ZNF730: variants seen among roughly 807,000 people sequenced by gnomAD.
ZNF730 encodes zinc finger protein 730, also known as putative zinc finger protein 730.
ZNF730 carries 12 observed loss-of-function variants against 12.6 expected under a neutral mutation model. That is an observed-to-expected ratio of 0.95 (90% CI 0.61 to 1.54). ZNF730 has a LOEUF of 1.54. ZNF730 is among the 40% of genes most tolerant of loss of function. The pLI is 0.00. For synonymous variants in ZNF730, 194 were observed against 195.8 expected, an observed-to-expected ratio of 0.99 and a Z score of 0.08; for missense variants, 643 against 583.5, an observed-to-expected ratio of 1.10 and a Z score of -1.05.
At chr19:23,118,800 T>G (rs989285574) in intron 1 of ZNF730, among the ~76,000 whole-genome samples, 1 of 152,206 alleles carries the variant, frequency 6.6e-6, no homozygotes, top group South Asian at 2.1e-4. Context: ...AGATTTTACC[T>G]ATTCTTTTAT....
At chr19:23,111,350 G>T (rs576244041) in intron 1 of ZNF730, among the ~76,000 whole-genome samples, 1 of 152,102 alleles carries the variant, frequency 6.6e-6, no homozygotes, top group Non-Finnish European at 1.5e-5. Flanking sequence ...CATGCAAGAG[G>T]GTTGATGTTA....
chr19:23,135,531 GAC>G (rs1376985530), intron 2 of ZNF730, among the ~76,000 whole-genome samples: 1 of 151,106 alleles, frequency 6.6e-6, no homozygotes, highest in Non-Finnish European at 1.5e-5. Context: ...TTTTTTTGGA[GAC>G]AGAGTCTCAT....
chr19:23,077,774 G>A (rs761994035), intron 1 of ZNF730, among the ~76,000 whole-genome samples: 2 of 152,102 alleles, frequency 1.3e-5, no homozygotes, highest in Non-Finnish European at 2.9e-5. Context: ...GACTGTTACT[G>A]TGTCTGTGTA....
At chr19:23,129,900 A>C (rs1013344637) in intron 1 of ZNF730, among the ~76,000 whole-genome samples, 2 of 150,554 alleles carry the variant, frequency 1.3e-5, no homozygotes, top group Non-Finnish European at 3.0e-5. Flanking sequence ...AGGCTGCGGC[A>C]GGAGAATGGC....
chr19:23,126,336 AT>A (rs1406280593), intron 1 of ZNF730, among the ~76,000 whole-genome samples: 1 of 152,186 alleles, frequency 6.6e-6, no homozygotes, highest in East Asian at 1.9e-4. Context: ...TCTGAGTATG[AT>A]GAGTGCACAA....
chr19:23,082,178 C>T (rs1969976497), intron 1 of ZNF730, among the ~76,000 whole-genome samples: 1 of 152,164 alleles, frequency 6.6e-6, no homozygotes, highest in Admixed American at 6.6e-5. Flanking sequence ...TTCCCATCCT[C>T]CCACTTTAGT....
intron 1 of ZNF730, chr19:23,123,069 G>A (rs1208706053): frequency 1.3e-5 from 2 of 152,040 alleles, no homozygotes; most frequent in Non-Finnish European, 2.9e-5. Context: ...TGCTTTTACA[G>A]GACAAATAAA....
At chr19:23,127,260 T>G (rs1970682811) in intron 1 of ZNF730, 1 of 660,296 alleles carries the variant, frequency 1.5e-6, no homozygotes, top group African/African-American at 1.8e-5. Context: ...TCTCTTTTTA[T>G]TTTTCCTTGC....
chr19:23,113,693 G>A (rs1295909126), upstream of ZNF730, among the ~76,000 whole-genome samples: 2 of 152,006 alleles, frequency 1.3e-5, no homozygotes, highest in African/African-American at 4.8e-5. Flanking sequence ...TAACACAAGG[G>A]GTTTCCCTCT....
intron 2 of ZNF730, among the ~76,000 whole-genome samples, chr19:23,134,559 G>A (rs1465486423): frequency 1.5e-5 from 2 of 135,132 alleles, no homozygotes; most frequent in South Asian, 2.5e-4. Flanking sequence ...GGGAAGTGAG[G>A]ACCCCTCTGC....
intron 1 of ZNF730, among the ~76,000 whole-genome samples, chr19:23,105,719 A>G (rs945654055): frequency 6.6e-6 from 1 of 152,238 alleles, no homozygotes; most frequent in African/African-American, 2.4e-5. Flanking sequence ...AGTGAAAACT[A>G]ATGTTGAAAT....
chr19:23,094,285 T>C (rs1970209261), intron 1 of ZNF730, among the ~76,000 whole-genome samples: 1 of 151,554 alleles, frequency 6.6e-6, no homozygotes, highest in African/African-American at 2.4e-5. Context: ...TTTTTTCTTT[T>C]CTTTTTTTTT....
intron 1 of ZNF730, among the ~76,000 whole-genome samples, chr19:23,084,632 G>T (rs997911485): frequency 1.3e-5 from 2 of 151,978 alleles, no homozygotes; most frequent in African/African-American, 4.8e-5. Flanking sequence ...CCTCTGAAAG[G>T]CCCCAGTGTG....
upstream of ZNF730, among the ~76,000 whole-genome samples, chr19:23,114,399 C>T (rs1225865697): frequency 6.0e-5 from 9 of 149,210 alleles, no homozygotes; most frequent in Non-Finnish European, 1.0e-4. Flanking sequence ...CTCCGCCTCC[C>T]GGGTTCTCGC....
Position 23,129,537 on chromosome 19 carries a change from C to A in ZNF730, c.4-4543C>A, listed in dbSNP as rs115604511. On this transcript the variant is annotated intron_variant, in intron 1 of 3. Coordinates refer to ENST00000597761, the MANE Select transcript of ZNF730 (RefSeq NM_001277403.2). ...GCCCCTTTGTTTTGGCCAATTTCTC[C>A]CTTATGGAATGACTGTATTTACCCA... 9.0e-3 allele frequency among the ~76,000 whole-genome samples: 1,359 copies of A among 150,552 alleles called. 28 individuals carry two copies. The highest frequency in any genetic ancestry group is 0.032 in the African/African-American group (1,304 of 40,530).
intron 1 of ZNF730, among the ~76,000 whole-genome samples, chr19:23,122,031 C>A (rs1440407869): frequency 1.3e-5 from 2 of 151,456 alleles, no homozygotes; most frequent in South Asian, 2.1e-4. Context: ...TCATCTAGGA[C>A]CTCAGAACCA....
In ZNF730 at chr19:23,146,946, A is replaced by G. The variant is rs991296546; in HGVS notation, c.*390A>G. 10 of 401,624 alleles carry G rather than the reference A, an allele frequency of 2.5e-5. No homozygotes were observed. Among genetic ancestry groups the G allele is most frequent in the Non-Finnish European group, 4.2e-5 (9 of 216,342 alleles). 24.9% of individuals were successfully genotyped at this position (401,624 alleles called of 1,614,324 possible). ...CCTCAAACTTTTCCAGATGTCAAAG[A>G]AATGCTGGTGAGAAATTCTAGAAAT... is the stretch of plus-strand genomic sequence containing the variant. On this transcript the variant is annotated 3_prime_UTR_variant, in exon 4 of 4. Transcript: ENST00000597761.
intron 1 of ZNF730, among the ~76,000 whole-genome samples, chr19:23,084,891 C>G (rs1970031833): frequency 6.6e-6 from 1 of 152,098 alleles, no homozygotes; most frequent in Admixed American, 6.6e-5. Flanking sequence ...GATTTCATGT[C>G]TTTGCTATGG....
chr19:23,077,952 T>TAA (rs1969895325), intron 1 of ZNF730, among the ~76,000 whole-genome samples: 2 of 152,320 alleles, frequency 1.3e-5, no homozygotes, highest in African/African-American at 4.8e-5. Context: ...TGTGCTTTGT[T>TAA]AAACAAGTGC....
Sources: allele counts gnomAD v4.1 joint callset (sites outside exome capture counted in the v4.1 genomes callset), GRCh38; gene constraint gnomAD v4.1.1; transcripts MANE v1.5; gene names NCBI Gene and HGNC (gene_info 2026-07-23, HGNC 2026-07-21).